The following PHF21A variants were observed in gnomAD, a reference collection of about 807,000 sequenced individuals.
PHF21A encodes BHC80a.
In PHF21A, 11 loss-of-function variants were observed where a neutral mutation model predicts 82.5. That is an observed-to-expected ratio of 0.13 (90% CI 0.08 to 0.22). The LOEUF (loss-of-function observed/expected upper bound fraction) is 0.22, where lower values mean the gene tolerates loss of function less well. Among genes scored for constraint, PHF21A ranks in the 10% least tolerant of loss-of-function variants. The probability of loss-of-function intolerance (pLI) is 1.00; values close to 1 mark genes in which losing one functional copy is unlikely to be tolerated. For missense variants in PHF21A, 579 were observed against 837.8 expected, an observed-to-expected ratio of 0.69 and a Z score of 3.81; for synonymous variants, 297 against 302.8, an observed-to-expected ratio of 0.98 and a Z score of 0.20.
chr11:46,082,621 T>C (rs2096806149), intron 4 of PHF21A, among the ~76,000 whole-genome samples: 1 of 152,178 alleles, frequency 6.6e-6, no homozygotes, highest in African/African-American at 2.4e-5. Flanking sequence ...TAAGAGAGTG[T>C]TTAGAATAAC....
intron 3 of PHF21A, among the ~76,000 whole-genome samples, chr11:46,086,411 A>G (rs557574957): frequency 5.9e-5 from 9 of 152,204 alleles, no homozygotes; most frequent in Admixed American, 2.0e-4. Context: ...GAGCCACCGC[A>G]CCCAGCCAGC....
At chr11:46,062,853 A>C (rs1022826906) in intron 6 of PHF21A, among the ~76,000 whole-genome samples, 3 of 152,254 alleles carry the variant, frequency 2.0e-5, no homozygotes, top group Admixed American at 2.0e-4. Flanking sequence ...CTCCACACAA[A>C]GACTTGGACA....
chr11:46,015,697 GAC>G (rs2095502533), intron 6 of PHF21A, among the ~76,000 whole-genome samples: 2 of 151,884 alleles, frequency 1.3e-5, no homozygotes, highest in African/African-American at 4.8e-5. Context: ...TAAAAACAAA[GAC>G]ACAAACACAC....
At chr11:46,090,935 C>G (rs1299298754) in intron 2 of PHF21A, among the ~76,000 whole-genome samples, 1 of 152,054 alleles carries the variant, frequency 6.6e-6, no homozygotes, top group East Asian at 1.9e-4. Flanking sequence ...AAATTTGCAA[C>G]CTCTGGTATA....
At chr11:45,965,951 C>G (rs538725735) in intron 9 of PHF21A, among the ~76,000 whole-genome samples, 13 of 152,152 alleles carry the variant, frequency 8.5e-5, no homozygotes, top group Non-Finnish European at 1.9e-4. Flanking sequence ...AGCCTTAACT[C>G]GCATTTGAAA....
intron 14 of PHF21A, among the ~76,000 whole-genome samples, chr11:45,946,618 G>A (rs746015868): frequency 1.1e-4 from 16 of 152,048 alleles, no homozygotes; most frequent in Admixed American, 2.0e-4. Flanking sequence ...CTCATGATCC[G>A]CCCATCTTGG....
intron 6 of PHF21A, among the ~76,000 whole-genome samples, chr11:46,068,989 T>G (rs1430869411): frequency 6.6e-6 from 1 of 152,092 alleles, no homozygotes; most frequent in Admixed American, 6.5e-5. Flanking sequence ...GATAGTAAAA[T>G]CTTTGACCAC....
intron 3 of PHF21A, among the ~76,000 whole-genome samples, chr11:46,086,122 T>C (rs1206188120): frequency 6.6e-6 from 1 of 151,330 alleles, no homozygotes; most frequent in Non-Finnish European, 1.5e-5. Flanking sequence ...TTAGCTACTA[T>C]CTTTTTTTTT....
chr11:46,088,549 A>G (rs1361473784), intron 3 of PHF21A, among the ~76,000 whole-genome samples: 1 of 152,190 alleles, frequency 6.6e-6, no homozygotes, highest in Non-Finnish European at 1.5e-5. Flanking sequence ...AAAACAAAAA[A>G]TGCTAATTCT....
chr11:46,012,407 T>C (rs2095430653), intron 6 of PHF21A, among the ~76,000 whole-genome samples: 1 of 152,192 alleles, frequency 6.6e-6, no homozygotes, highest in Admixed American at 6.5e-5. Flanking sequence ...GTTTCCTCCC[T>C]ATAGTCATTC....
At position 45,930,117 on chromosome 11, in the gene PHF21A, T is replaced by C. The variant is rs1565105441; in HGVS notation, c.*3851A>G. 1 of 152,260 alleles carries C rather than the reference T, an allele frequency of 6.6e-6. No individual in the cohort carries two copies. The highest frequency in any genetic ancestry group is 1.5e-5 in the Non-Finnish European group (1 of 68,098). The allele number at this position is 152,260 out of a possible 1,614,324, so 9.4% of individuals were successfully genotyped here. On this transcript the variant is annotated 3_prime_UTR_variant, in exon 19 of 19. Coordinates refer to ENST00000676320, the MANE Select transcript of PHF21A (RefSeq NM_001352027.3). ...GATAAATAAGAAGGACCACGCCCTA[T>C]AAGAGAATGAAGAGAGGAAACCACT...
intron 6 of PHF21A, among the ~76,000 whole-genome samples, chr11:46,001,233 G>C (rs1196377560): frequency 6.6e-6 from 1 of 151,642 alleles, no homozygotes; most frequent in Non-Finnish European, 1.5e-5. Context: ...AATCTGAAGG[G>C]AATGTGGAAA....
chr11:45,949,341 CTG>C, intron 13 of PHF21A, 59 bp downstream of exon 13: 1 of 1,391,502 alleles, frequency 7.2e-7, no homozygotes, highest in Non-Finnish European at 1.0e-6. Flanking sequence ...AGGGGAGGCA[CTG>C]AACAGCTCAT....
At chr11:46,000,647 T>C (rs2137003221) in intron 6 of PHF21A, among the ~76,000 whole-genome samples, 1 of 152,272 alleles carries the variant, frequency 6.6e-6, no homozygotes, top group Non-Finnish European at 1.5e-5. Context: ...TGGCTGGGCA[T>C]GGTGTCTCAC....
At chr11:46,046,769 T>C (rs943495750) in intron 6 of PHF21A, among the ~76,000 whole-genome samples, 1 of 152,094 alleles carries the variant, frequency 6.6e-6, no homozygotes, top group Non-Finnish European at 1.5e-5. Flanking sequence ...CCCAACAACA[T>C]AGAAGGAAGC....
intron 6 of PHF21A, among the ~76,000 whole-genome samples, chr11:45,982,004 T>C (rs1014699622): frequency 7.0e-6 from 1 of 143,550 alleles, no homozygotes; most frequent in African/African-American, 2.6e-5. Flanking sequence ...TCACCCAGGC[T>C]GGAGTGCGGC....
At chr11:46,036,781 T>A (rs2096012941) in intron 6 of PHF21A, among the ~76,000 whole-genome samples, 1 of 152,352 alleles carries the variant, frequency 6.6e-6, no homozygotes, top group East Asian at 1.9e-4. Flanking sequence ...TTGTAATAAG[T>A]CATTGATTTT....
At chr11:45,977,417 G>A (rs760320447) in intron 7 of PHF21A, among the ~76,000 whole-genome samples, 1 of 152,092 alleles carries the variant, frequency 6.6e-6, no homozygotes. Flanking sequence ...GATTACAGGC[G>A]TGTGCCACTG....
chr11:45,993,835 G>C (rs1235364260), intron 6 of PHF21A, among the ~76,000 whole-genome samples: 1 of 151,830 alleles, frequency 6.6e-6, no homozygotes, highest in African/African-American at 2.4e-5. Flanking sequence ...CAGAGATGAG[G>C]CTCGGGCAGC....
Sources: allele counts gnomAD v4.1 joint callset (sites outside exome capture counted in the v4.1 genomes callset), GRCh38; gene constraint gnomAD v4.1.1; transcripts MANE v1.5; gene names NCBI Gene and HGNC (gene_info 2026-07-23, HGNC 2026-07-21).